STPG2: variants seen among roughly 807,000 people sequenced by gnomAD.
STPG2 encodes the protein sperm-tail PG-rich repeat-containing protein 2.
STPG2 carries 56 observed loss-of-function variants against 54.2 expected under a neutral mutation model. The observed-to-expected ratio is 1.03, with a 90% CI of 0.83 to 1.29. The LOEUF is 1.29. STPG2 is among the 50% of genes most tolerant of loss of function. The pLI is 0.00. For synonymous variants in STPG2, 200 were observed against 181.8 expected (o/e 1.10, Z -0.81); for missense variants, 596 against 544.9 (o/e 1.09, Z -0.93).
At chr4:97,911,076 C>G (rs1731660524) in intron 8 of STPG2, among the ~76,000 whole-genome samples, 2 of 152,202 alleles carry the variant, frequency 1.3e-5, no homozygotes, top group Non-Finnish European at 2.9e-5. Flanking sequence ...CCAGCTCCAG[C>G]CAAGAAAGGG....
chr4:98,076,435 A>G (rs1453518729), intron 5 of STPG2, among the ~76,000 whole-genome samples: 3 of 152,222 alleles, frequency 2.0e-5, no homozygotes, highest in South Asian at 2.1e-4. Flanking sequence ...TGAAAATATC[A>G]ACATGTTTGT....
At position 97,701,295 on chromosome 4, in the gene STPG2, A is replaced by G. The variant is rs193014243; in HGVS notation, c.1320+11404T>C. Among the ~76,000 whole-genome samples, 12 of 152,024 alleles carry G rather than the reference A, an allele frequency of 7.9e-5. No homozygotes were observed. In the East Asian group the frequency reaches 2.3e-3, roughly 30 times the overall value. ...CAAGATGAGTCCAGGGACCCACTGG[A>G]CCCACTGTAAGTCAGACCTGAGCTA... On this transcript the variant is annotated intron_variant, in intron 10 of 10. Coordinates refer to ENST00000295268, the MANE Select transcript of STPG2 (RefSeq NM_174952.3).
intron 5 of STPG2, among the ~76,000 whole-genome samples, chr4:98,003,661 G>A (rs1201412497): frequency 6.6e-6 from 1 of 151,924 alleles, no homozygotes; most frequent in Non-Finnish European, 1.5e-5. Context: ...TCATATGATC[G>A]TGTGTTTTCT....
chr4:97,888,080 T>C (rs920887141), intron 8 of STPG2, among the ~76,000 whole-genome samples: 8 of 152,130 alleles, frequency 5.3e-5, no homozygotes, highest in Non-Finnish European at 8.8e-5. Flanking sequence ...TCAGAGAATA[T>C]ATGGAAAAGC....
chr4:97,496,320 G>C (rs567548780), intron 4 of STPG2, among the ~76,000 whole-genome samples: 58 of 151,796 alleles, frequency 3.8e-4, no homozygotes, highest in African/African-American at 1.3e-3. Context: ...TGAACAGAAT[G>C]TCCTTTGTAT....
intron 5 of STPG2, among the ~76,000 whole-genome samples, chr4:97,982,348 G>A (rs1734708732): frequency 6.8e-6 from 1 of 146,518 alleles, no homozygotes; most frequent in Non-Finnish European, 1.5e-5. Flanking sequence ...TTGTCTGTTT[G>A]TCTTTCTCTT....
At chr4:97,556,575 C>T (rs113738190), downstream of STPG2, among the ~76,000 whole-genome samples, 786 of 152,232 alleles carry the variant, frequency 5.2e-3, 6 homozygotes, top group Middle Eastern at 0.02. Flanking sequence ...CCTGAATTCA[C>T]ACAATCTGCA....
intron 9 of STPG2, among the ~76,000 whole-genome samples, chr4:97,752,652 C>A (rs1044835868): frequency 6.6e-6 from 1 of 151,734 alleles, no homozygotes; most frequent in Non-Finnish European, 1.5e-5. Flanking sequence ...AATCCCATAC[C>A]ACTTTACATT....
At chr4:98,084,113 G>A (rs1277082573) in intron 5 of STPG2, among the ~76,000 whole-genome samples, 3 of 152,128 alleles carry the variant, frequency 2.0e-5, no homozygotes, top group African/African-American at 7.2e-5. Context: ...CCAAAGTGCT[G>A]AATTCCAGGC....
At chr4:97,444,607 C>T (rs754882135) in intron 4 of STPG2, among the ~76,000 whole-genome samples, 1 of 152,018 alleles carries the variant, frequency 6.6e-6, no homozygotes, top group Non-Finnish European at 1.5e-5. Context: ...CAACAGCAAA[C>T]CTGTGCAAAC....
At chr4:98,088,381 G>A (rs1738588891) in intron 5 of STPG2, among the ~76,000 whole-genome samples, 1 of 151,974 alleles carries the variant, frequency 6.6e-6, no homozygotes, top group East Asian at 1.9e-4. Flanking sequence ...GAGACACTAT[G>A]TATTTTTTCT....
intron 8 of STPG2, chr4:97,916,480 A>C (rs1210704312): frequency 1.3e-5 from 2 of 152,654 alleles, no homozygotes; most frequent in Non-Finnish European, 2.9e-5. Context: ...GCAGTACTGA[A>C]GCACTGAAGA....
intron 4 of STPG2, among the ~76,000 whole-genome samples, chr4:97,456,435 A>G (rs1729520671): frequency 6.6e-6 from 1 of 152,168 alleles, no homozygotes; most frequent in African/African-American, 2.4e-5. Context: ...ACCTCTCCCC[A>G]TGATCCAGTT....
intron 7 of STPG2, among the ~76,000 whole-genome samples, chr4:97,957,173 T>C (rs1296580116): frequency 6.6e-6 from 1 of 150,742 alleles, no homozygotes; most frequent in African/African-American, 2.4e-5. Context: ...AATATATATG[T>C]GAAATATATA....
intron 4 of STPG2, among the ~76,000 whole-genome samples, chr4:97,472,862 T>G (rs1729972216): frequency 6.6e-6 from 1 of 152,218 alleles, no homozygotes; most frequent in Non-Finnish European, 1.5e-5. Context: ...AGGAACAGGC[T>G]GAAGCCATGT....
rs145626618 is a variant in STPG2, at chr4:97,744,947, T to A, written c.1205-32133A>T. Among the ~76,000 whole-genome samples the A allele has an allele frequency of 4.2e-3, 637 of 151,482 alleles. 3 individuals carry two copies. Among genetic ancestry groups the A allele is most frequent in the South Asian group, 0.024 (117 of 4,828 alleles). The stretch of plus-strand genomic sequence containing the variant: ...TCTTTCTCTTCTTTATCATCTGCTC[T>A]TCACATAAAACAACACTGCAATGCT... On this transcript the variant is annotated intron_variant, in intron 9 of 10. Transcript: ENST00000295268.
At chr4:98,006,186 C>A (rs974711126) in intron 5 of STPG2, among the ~76,000 whole-genome samples, 1 of 152,168 alleles carries the variant, frequency 6.6e-6, no homozygotes, top group Non-Finnish European at 1.5e-5. Flanking sequence ...GGACACTTTA[C>A]ATCACGGGGA....
At chr4:97,922,438 CT>C (rs146475139) in intron 8 of STPG2, among the ~76,000 whole-genome samples, 1,777 of 152,202 alleles carry the variant, frequency 0.012, 29 homozygotes, top group African/African-American at 0.041. Flanking sequence ...AAAAAAATGA[CT>C]GTTAAAAACT....
At chr4:97,512,654 G>A (rs1415896679) in intron 4 of STPG2, among the ~76,000 whole-genome samples, 1 of 151,968 alleles carries the variant, frequency 6.6e-6, no homozygotes, top group African/African-American at 2.4e-5. Context: ...GATAGGGGTG[G>A]GAGGAAGAAG....
Sources: gnomAD v4.1 joint callset for allele counts (sites outside exome capture counted in the v4.1 genomes callset) on GRCh38, gnomAD v4.1.1 for gene constraint, MANE v1.5 for transcripts, NCBI Gene and HGNC (gene_info 2026-07-23, HGNC 2026-07-21) for gene names.